Variants in RBFOX1 observed in about 807,000 individuals in gnomAD.
The protein encoded by RBFOX1 is RNA binding protein fox-1 homolog 1.
In RBFOX1, 8 loss-of-function variants were observed where a neutral mutation model predicts 57.7. The ratio of observed to expected loss-of-function variants is 0.14; its 90% CI spans 0.08 to 0.25. RBFOX1 has a LOEUF of 0.25. RBFOX1 is among the 10% of genes least tolerant of loss of function. RBFOX1 has a pLI of 1.00. For missense variants in RBFOX1, 611 were observed against 548.5 expected (o/e 1.11, Z -1.14); for synonymous variants, 326 against 222.4 (o/e 1.47, Z -4.15).
intron 2 of RBFOX1, among the ~76,000 whole-genome samples, chr16:5,570,497 G>T (rs150097560): frequency 6.6e-6 from 1 of 152,220 alleles, no homozygotes; most frequent in Middle Eastern, 3.4e-3. Flanking sequence ...GTGCTTAACA[G>T]CTGGTCAGGT....
intron 2 of RBFOX1, among the ~76,000 whole-genome samples, chr16:5,521,430 A>C (rs1408934565): frequency 6.6e-6 from 1 of 152,110 alleles, no homozygotes; most frequent in Non-Finnish European, 1.5e-5. Context: ...AGGATCCCAA[A>C]TCATTTCTTA....
intron 3 of RBFOX1, among the ~76,000 whole-genome samples, chr16:6,841,003 C>T (rs2141451849): frequency 6.6e-6 from 1 of 152,210 alleles, no homozygotes; most frequent in East Asian, 1.9e-4. Context: ...ACTGAATCTG[C>T]CAGCACCTTG....
intron 2 of RBFOX1, among the ~76,000 whole-genome samples, chr16:6,643,977 AT>A (rs1191509734): frequency 2.6e-5 from 4 of 152,208 alleles, no homozygotes; most frequent in East Asian, 3.9e-4. Flanking sequence ...AATAAAAAAA[AT>A]AGCCAGACGT....
chr16:7,007,773 CT>C (rs1283379534), intron 3 of RBFOX1, among the ~76,000 whole-genome samples: 2 of 152,266 alleles, frequency 1.3e-5, no homozygotes, highest in South Asian at 2.1e-4. Context: ...TCCTTAGAAA[CT>C]GTGAGGATGG....
intron 4 of RBFOX1, among the ~76,000 whole-genome samples, chr16:5,893,918 A>G (rs2058100675): frequency 6.6e-6 from 1 of 152,152 alleles, no homozygotes; most frequent in African/African-American, 2.4e-5. Context: ...TAAAAAAAAG[A>G]TCACCCACAG....
intron 4 of RBFOX1, among the ~76,000 whole-genome samples, chr16:7,476,000 C>G (rs1019481559): frequency 2.6e-5 from 4 of 152,074 alleles, no homozygotes; most frequent in African/African-American, 7.2e-5. Flanking sequence ...GGGTCTCACT[C>G]TGTCACCCAG....
chr16:5,290,694 TA>T (rs1220583652), intron 1 of RBFOX1, among the ~76,000 whole-genome samples: 1 of 121,014 alleles, frequency 8.3e-6, no homozygotes, highest in Non-Finnish European at 1.8e-5. Context: ...AGAGCAGATT[TA>T]AGGGACTTTT....
chr16:6,184,302 A>T (rs1021883365), intron 1 of RBFOX1, among the ~76,000 whole-genome samples: 1 of 152,174 alleles, frequency 6.6e-6, no homozygotes. Flanking sequence ...ACATGACATC[A>T]TGCCCATTTA....
chr16:6,250,555 A>T (rs1342855126), intron 1 of RBFOX1, among the ~76,000 whole-genome samples: 8 of 152,192 alleles, frequency 5.3e-5, no homozygotes, highest in African/African-American at 1.7e-4. Context: ...TATTTCAACC[A>T]GGAGCCCTAG....
chr16:6,000,333 TG>T (rs2060575307), intron 4 of RBFOX1, among the ~76,000 whole-genome samples: 1 of 152,130 alleles, frequency 6.6e-6, no homozygotes, highest in Admixed American at 6.5e-5. Context: ...ATGAAGATCA[TG>T]CCAAAGCTCA....
intron 2 of RBFOX1, among the ~76,000 whole-genome samples, chr16:5,491,594 C>T (rs1261304798): frequency 6.6e-6 from 1 of 152,192 alleles, no homozygotes; most frequent in Non-Finnish European, 1.5e-5. Context: ...AACTGCTGTG[C>T]ATGGTAATGC....
intron 2 of RBFOX1, among the ~76,000 whole-genome samples, chr16:6,487,014 G>C (rs2095498046): frequency 6.7e-6 from 1 of 149,488 alleles, no homozygotes; most frequent in Admixed American, 6.6e-5. Flanking sequence ...TACAGTGTTT[G>C]GTTTGGAAAC....
chr16:5,710,923 C>A (rs7203468), intron 3 of RBFOX1, among the ~76,000 whole-genome samples: 5,361 of 152,230 alleles, frequency 0.035, 318 homozygotes, highest in African/African-American at 0.12. Flanking sequence ...TTAGCTTATG[C>A]TGTGTGTTAA....
At chr16:6,883,097 A>G (rs2153346099) in intron 3 of RBFOX1, among the ~76,000 whole-genome samples, 1 of 152,314 alleles carries the variant, frequency 6.6e-6, no homozygotes, top group South Asian at 2.1e-4. Context: ...TGATGTAATT[A>G]GTATGAATGG....
At chr16:7,202,780 C>T (rs2088919737) in intron 4 of RBFOX1, among the ~76,000 whole-genome samples, 1 of 152,136 alleles carries the variant, frequency 6.6e-6, no homozygotes, top group Non-Finnish European at 1.5e-5. Context: ...ACAGTTTCAT[C>T]CTGAAACCAT....
intron 2 of RBFOX1, among the ~76,000 whole-genome samples, chr16:6,424,493 C>G (rs2093865363): frequency 6.6e-6 from 1 of 152,062 alleles, no homozygotes; most frequent in African/African-American, 2.4e-5. Context: ...GAAAGGGGCT[C>G]CAGGAATGCT....
intron 4 of RBFOX1, among the ~76,000 whole-genome samples, chr16:7,121,620 C>G (rs2067203565): frequency 6.6e-6 from 1 of 151,932 alleles, no homozygotes; most frequent in African/African-American, 2.4e-5. Context: ...AGTATTAATT[C>G]TGTACAAATT....
At chr16:7,077,206 G>C (rs146183351) in intron 4 of RBFOX1, among the ~76,000 whole-genome samples, 1 of 152,168 alleles carries the variant, frequency 6.6e-6, no homozygotes, top group South Asian at 2.1e-4. Flanking sequence ...GCTCCAATCA[G>C]GCTAGTCTTT....
chr16:6,895,641 A>G (rs1276480391), intron 3 of RBFOX1, among the ~76,000 whole-genome samples: 2 of 151,660 alleles, frequency 1.3e-5, no homozygotes. Context: ...TAGATCCTTG[A>G]CAATGCCAAT....
Sources: gnomAD v4.1 joint callset for allele counts (sites outside exome capture counted in the v4.1 genomes callset) on GRCh38, gnomAD v4.1.1 for gene constraint, MANE v1.5 for transcripts, NCBI Gene and HGNC (gene_info 2026-07-23, HGNC 2026-07-21) for gene names.